CCDC172: variants seen among roughly 807,000 people sequenced by gnomAD.
CCDC172 encodes the protein coiled-coil domain-containing protein 172.
Under a neutral mutation model 38.0 loss-of-function variants are expected in CCDC172, and 30 were observed. That is an observed-to-expected ratio of 0.79 (90% CI 0.59 to 1.07). The LOEUF is 1.07. Ranked by LOEUF, CCDC172 falls within the 50% of genes least tolerant of loss-of-function variation. CCDC172 has a pLI of 0.00. For synonymous variants in CCDC172, 78 were observed against 88.3 expected (o/e 0.88, Z 0.66); for missense variants, 297 against 290.1 (o/e 1.02, Z -0.17).
Position 116,379,333 on chromosome 10 carries a change from A to G in CCDC172, c.752A>G (p.Gln251Arg). Residue 251 changes from glutamine (Q) to arginine (R), a missense_variant, in exon 9 of 9, where the codon CAG becomes CGG. Coordinates refer to ENST00000333254, the MANE Select transcript of CCDC172 (RefSeq NM_198515.3). ...ATGTTTTCTTTTCAGACATTGGCAC[A>G]GAAAGATCTTCAGGAAAGCAAATAA... ...EIEFLELTLA[Q>R]KDLQESK 2.5e-6 allele frequency: 4 copies of G among 1,582,372 alleles called. No individual in the cohort carries two copies. The highest frequency in any genetic ancestry group is 3.4e-6 in the Non-Finnish European group (4 of 1,165,304).
intron 7 of CCDC172, among the ~76,000 whole-genome samples, chr10:116,375,605 T>A (rs1196811626): frequency 6.6e-6 from 1 of 151,956 alleles, no homozygotes; most frequent in African/African-American, 2.4e-5. Flanking sequence ...TTCATCCATG[T>A]CCCTGCAAAG....
chr10:116,352,973 C>A (rs1844949462), intron 5 of CCDC172, among the ~76,000 whole-genome samples: 2 of 151,984 alleles, frequency 1.3e-5, no homozygotes, highest in Non-Finnish European at 2.9e-5. Context: ...GCGGGTGGAT[C>A]ACGAGGTCAG....
intron 7 of CCDC172, among the ~76,000 whole-genome samples, chr10:116,369,374 G>C (rs2134965975): frequency 6.6e-6 from 1 of 152,016 alleles, no homozygotes; most frequent in South Asian, 2.1e-4. Flanking sequence ...GTTTTTGCTA[G>C]TTTTTGATTC....
intron 2 of CCDC172, 90 bp from the exon 3 acceptor site, chr10:116,325,213 G>C (rs1390513928): frequency 6.1e-6 from 9 of 1,464,274 alleles, no homozygotes; most frequent in Non-Finnish European, 7.6e-6. Context: ...CATGCTGAGG[G>C]AAAGACAACT....
rs926072677 is a variant in CCDC172, at chr10:116,324,984, A to G, written c.-28A>G. ...TGGTTATAAAATATTTAAGGGCGAGAAAAGGATCGCAGGAGCCAGGCCCTG... is the reference window on the plus strand; with the variant it reads ...TGGTTATAAAATATTTAAGGGCGAGGAAAGGATCGCAGGAGCCAGGCCCTG... On this transcript the variant is annotated 5_prime_UTR_variant, in exon 2 of 9. Coordinates refer to ENST00000333254, the MANE Select transcript of CCDC172 (RefSeq NM_198515.3). 4 of 1,590,418 alleles carry G rather than the reference A, an allele frequency of 2.5e-6. No individual in the cohort carries two copies. The East Asian group carries it at 6.7e-5, about 27-fold the overall frequency.
intron 1 of CCDC172, 55 bp from the exon 2 acceptor site, chr10:116,324,891 CA>C: frequency 1.3e-6 from 1 of 787,430 alleles, no homozygotes; most frequent in Non-Finnish European, 2.1e-6. Flanking sequence ...GGGTTGGAGA[CA>C]GGTCTATCTG....
intron 5 of CCDC172, among the ~76,000 whole-genome samples, chr10:116,347,037 T>G (rs1356595378): frequency 6.6e-6 from 1 of 152,190 alleles, no homozygotes; most frequent in Non-Finnish European, 1.5e-5. Context: ...TGAAGAATGA[T>G]ACTGATTAGC....
intron 5 of CCDC172, among the ~76,000 whole-genome samples, chr10:116,345,425 A>C (rs1844853686): frequency 6.6e-6 from 1 of 152,214 alleles, no homozygotes; most frequent in Non-Finnish European, 1.5e-5. Context: ...TCCATCTTGG[A>C]ATAGGCAATG....
chr10:116,333,725 A>G (rs1190526572), intron 3 of CCDC172, among the ~76,000 whole-genome samples: 2 of 152,192 alleles, frequency 1.3e-5, no homozygotes, highest in African/African-American at 2.4e-5. Context: ...TAATCAGATT[A>G]CTGTCTCGCT....
At chr10:116,350,829 T>A (rs1215735983) in intron 5 of CCDC172, among the ~76,000 whole-genome samples, 1 of 152,152 alleles carries the variant, frequency 6.6e-6, no homozygotes, top group East Asian at 1.9e-4. Context: ...GATTAGAACA[T>A]TGTGGGTTTT....
Position 116,331,628 on chromosome 10 carries a change from T to C in CCDC172, c.165+6240T>C, listed in dbSNP as rs549211244. 1.7e-3 allele frequency among the ~76,000 whole-genome samples: 255 copies of C among 152,238 alleles called. 4 individuals carry two copies. In the South Asian group the frequency reaches 0.022, roughly 13 times the overall value. ...ATCCTGTTTTCTATTTTCCTCTGCC[T>C]TGAATTCTACTTGTTTGATTTGATG... On this transcript the variant is annotated intron_variant, in intron 3 of 8. Coordinates refer to ENST00000333254, the MANE Select transcript of CCDC172 (RefSeq NM_198515.3).
At chr10:116,325,444 C>G in intron 3 of CCDC172, 56 bp downstream of exon 3, 6 of 1,353,168 alleles carry the variant, frequency 4.4e-6, no homozygotes, top group Non-Finnish European at 4.2e-6. Context: ...CTTAACTTGA[C>G]TTTTGGGGGA....
chr10:116,330,453 G>T (rs1387268640), intron 3 of CCDC172, among the ~76,000 whole-genome samples: 1 of 152,142 alleles, frequency 6.6e-6, no homozygotes, highest in Non-Finnish European at 1.5e-5. Context: ...ACAAAACTGT[G>T]CATAGATAAA....
intron 5 of CCDC172, among the ~76,000 whole-genome samples, chr10:116,351,642 G>T (rs1565717944): frequency 6.6e-6 from 1 of 152,116 alleles, no homozygotes; most frequent in East Asian, 1.9e-4. Flanking sequence ...TAATTTTATG[G>T]AATTTTCCCT....
chr10:116,349,644 A>G (rs541416125), intron 5 of CCDC172, among the ~76,000 whole-genome samples: 1 of 152,334 alleles, frequency 6.6e-6, no homozygotes, highest in East Asian at 1.9e-4. Context: ...TTGCTTACAA[A>G]TGTATTTCTG....
At chr10:116,364,882 G>A (rs1845104807) in intron 7 of CCDC172, among the ~76,000 whole-genome samples, 1 of 152,098 alleles carries the variant, frequency 6.6e-6, no homozygotes, top group South Asian at 2.1e-4. Context: ...TGTTAATTAA[G>A]GGTTTTCTAT....
intron 5 of CCDC172, among the ~76,000 whole-genome samples, chr10:116,353,562 G>A (rs1844958659): frequency 6.6e-6 from 1 of 152,046 alleles, no homozygotes; most frequent in Admixed American, 6.5e-5. Context: ...AATGGACAAA[G>A]GAATTAAATA....
intron 7 of CCDC172, among the ~76,000 whole-genome samples, chr10:116,377,275 G>A (rs1356421058): frequency 6.6e-6 from 1 of 152,142 alleles, no homozygotes; most frequent in Non-Finnish European, 1.5e-5. Context: ...ACTGCCTTAT[G>A]TTGGTTCAAG....
Position 116,332,270 on chromosome 10 carries a change from A to T in CCDC172, c.165+6882A>T, listed in dbSNP as rs1268643408. On this transcript the variant is annotated intron_variant, in intron 3 of 8. Coordinates refer to ENST00000333254, the MANE Select transcript of CCDC172 (RefSeq NM_198515.3). ...TGATAAATATTTTAAATGTAGTTAG[A>T]TTTTATCTAGCATTTCTCTTTGTTT... Among the ~76,000 whole-genome samples, 3 of 152,174 alleles carry T rather than the reference A, an allele frequency of 2.0e-5. No homozygotes were observed. The East Asian group carries it at 5.8e-4, about 29-fold the overall frequency.
Sources: allele counts gnomAD v4.1 joint callset (sites outside exome capture counted in the v4.1 genomes callset), GRCh38; gene constraint gnomAD v4.1.1; transcripts MANE v1.5; gene names NCBI Gene and HGNC (gene_info 2026-07-23, HGNC 2026-07-21).